KLF12: variants seen among roughly 807,000 people sequenced by gnomAD.
KLF12 encodes KLF transcription factor 12.
Under a neutral mutation model 37.8 loss-of-function variants are expected in KLF12, and 9 were observed. The observed-to-expected ratio is 0.24, with a 90% CI of 0.14 to 0.42. The LOEUF (loss-of-function observed/expected upper bound fraction) is 0.42, where lower values mean the gene tolerates loss of function less well. Ranked by LOEUF, KLF12 falls within the 10% of genes least tolerant of loss-of-function variation. The pLI, the probability that KLF12 is intolerant of heterozygous loss-of-function variation, is 1.00. For synonymous variants in KLF12, 208 were observed against 202.1 expected (o/e 1.03, Z -0.25); for missense variants, 411 against 516.0 (o/e 0.80, Z 1.97).
chr13:74,048,983 C>G (rs894124696), intron 1 of KLF12, among the ~76,000 whole-genome samples: 1 of 152,174 alleles, frequency 6.6e-6, no homozygotes, highest in Non-Finnish European at 1.5e-5. Context: ...CTCCCAGAAT[C>G]TGGGACACTC....
At chr13:73,748,087 T>G (rs576638416) in intron 6 of KLF12, among the ~76,000 whole-genome samples, 1 of 152,300 alleles carries the variant, frequency 6.6e-6, no homozygotes, top group African/African-American at 2.4e-5. Context: ...GAGAATCACT[T>G]TGGAGACTCG....
intron 1 of KLF12, among the ~76,000 whole-genome samples, chr13:74,125,730 T>C (rs1877904214): frequency 6.6e-6 from 1 of 152,354 alleles, no homozygotes; most frequent in East Asian, 1.9e-4. Flanking sequence ...TTGACTTCTT[T>C]ATTGAAGTAT....
chr13:74,275,460 A>G, the KLF12 span, among the ~76,000 whole-genome samples: 1 of 152,198 alleles, frequency 6.6e-6, no homozygotes, highest in Non-Finnish European at 1.5e-5. Flanking sequence ...TCCTAGAGAT[A>G]GAAGCTTGCT....
At chr13:74,296,436 C>T in the KLF12 span, among the ~76,000 whole-genome samples, 1 of 152,066 alleles carries the variant, frequency 6.6e-6, no homozygotes, top group African/African-American at 2.4e-5. Flanking sequence ...GGGTTAGTGT[C>T]TTTATTAGAG....
intron 5 of KLF12, among the ~76,000 whole-genome samples, chr13:73,774,145 G>C (rs1408248): frequency 0.58 from 87,744 of 151,790 alleles, 25,739 homozygotes; most frequent in Non-Finnish European, 0.64. Flanking sequence ...ACATACTGTT[G>C]TATAAATAAA....
chr13:73,719,315 C>T (rs2137711373), intron 6 of KLF12, among the ~76,000 whole-genome samples: 1 of 151,876 alleles, frequency 6.6e-6, no homozygotes, highest in South Asian at 2.1e-4. Context: ...GGACGACAAC[C>T]GTGGACTGGG....
intron 7 of KLF12, among the ~76,000 whole-genome samples, chr13:73,713,189 C>G (rs1189128578): frequency 2.6e-5 from 4 of 152,140 alleles, no homozygotes; most frequent in African/African-American, 9.7e-5. Flanking sequence ...AACACCGGGG[C>G]CAGTGAGTGA....
intron 3 of KLF12, among the ~76,000 whole-genome samples, chr13:73,935,678 C>A (rs116487728): frequency 5.5e-4 from 84 of 152,114 alleles, no homozygotes; most frequent in African/African-American, 1.9e-3. Flanking sequence ...CTCAGGCTGG[C>A]GTGCAGTGAT....
At chr13:73,758,914 C>A (rs532073043) in intron 6 of KLF12, among the ~76,000 whole-genome samples, 1 of 152,164 alleles carries the variant, frequency 6.6e-6, no homozygotes, top group African/African-American at 2.4e-5. Flanking sequence ...TTCTTTCATA[C>A]GGTCACTTTG....
At chr13:74,081,212 G>T (rs773852422) in intron 1 of KLF12, among the ~76,000 whole-genome samples, 1 of 152,136 alleles carries the variant, frequency 6.6e-6, no homozygotes, top group Admixed American at 6.5e-5. Flanking sequence ...TACTGACTTT[G>T]ATTACATTAC....
chr13:73,756,712 C>T (rs1305424673), intron 6 of KLF12, among the ~76,000 whole-genome samples: 1 of 152,096 alleles, frequency 6.6e-6, no homozygotes, highest in Non-Finnish European at 1.5e-5. Flanking sequence ...TGGGAAACTA[C>T]TCCCACCTCA....
chr13:73,915,783 T>A (rs944973983), intron 3 of KLF12, among the ~76,000 whole-genome samples: 2 of 151,078 alleles, frequency 1.3e-5, no homozygotes, highest in Non-Finnish European at 2.9e-5. Context: ...CCACCCGTCT[T>A]GGCCTCCTAA....
intron 1 of KLF12, among the ~76,000 whole-genome samples, chr13:74,006,726 G>A (rs1433938186): frequency 6.6e-6 from 1 of 152,116 alleles, no homozygotes; most frequent in African/African-American, 2.4e-5. Flanking sequence ...CCTTATCTTT[G>A]AGTCAATGTT....
At chr13:73,697,253 G>A (rs1411373319) in intron 7 of KLF12, among the ~76,000 whole-genome samples, 6 of 152,208 alleles carry the variant, frequency 3.9e-5, no homozygotes, top group Non-Finnish European at 8.8e-5. Flanking sequence ...TGTCTGTGTG[G>A]ATTCTTACAG....
chr13:74,254,624 A>C, the KLF12 span, among the ~76,000 whole-genome samples: 1 of 152,184 alleles, frequency 6.6e-6, no homozygotes, highest in African/African-American at 2.4e-5. Flanking sequence ...CTGAATCTAG[A>C]AATTCTCAAC....
chr13:73,806,259 A>G (rs1187067970), intron 5 of KLF12, among the ~76,000 whole-genome samples: 1 of 151,814 alleles, frequency 6.6e-6, no homozygotes, highest in Non-Finnish European at 1.5e-5. Flanking sequence ...ACCTGCCACC[A>G]CGCTCGGCTA....
At chr13:73,818,337 C>G (rs1883347434) in intron 4 of KLF12, among the ~76,000 whole-genome samples, 1 of 152,206 alleles carries the variant, frequency 6.6e-6, no homozygotes, top group Non-Finnish European at 1.5e-5. Flanking sequence ...TTCTCCTCAG[C>G]TGAGACTTGA....
At chr13:74,243,699 T>C in the KLF12 span, among the ~76,000 whole-genome samples, 2 of 152,296 alleles carry the variant, frequency 1.3e-5, no homozygotes, top group Admixed American at 6.5e-5. Flanking sequence ...GTTTCTCTAA[T>C]GACTAATGAT....
intron 7 of KLF12, 96 bp from the exon 8 acceptor site, chr13:73,695,767 GA>G: frequency 8.8e-7 from 1 of 1,138,344 alleles, no homozygotes; most frequent in South Asian, 1.5e-5. Context: ...TGTTCTCAAT[GA>G]ATTTTCCCGT....
Sources: gnomAD v4.1 joint callset for allele counts (sites outside exome capture counted in the v4.1 genomes callset) on GRCh38, gnomAD v4.1.1 for gene constraint, MANE v1.5 for transcripts, NCBI Gene and HGNC (gene_info 2026-07-23, HGNC 2026-07-21) for gene names.